Variants in RFTN2 observed in about 807,000 individuals in gnomAD.
RFTN2 encodes the protein raftlin family member 2.
In RFTN2, 34 loss-of-function variants were observed where a neutral mutation model predicts 52.7. That is an observed-to-expected ratio of 0.64 (90% CI 0.49 to 0.86). The LOEUF is 0.86. Among genes scored for constraint, RFTN2 ranks in the 40% least tolerant of loss-of-function variants. RFTN2 has a pLI of 0.00. For synonymous variants in RFTN2, 203 were observed against 217.7 expected (o/e 0.93, Z 0.59); for missense variants, 536 against 600.1 (o/e 0.89, Z 1.12).
At chr2:197,656,943 C>G (rs555292882) in intron 1 of RFTN2, among the ~76,000 whole-genome samples, 1 of 152,234 alleles carries the variant, frequency 6.6e-6, no homozygotes, top group South Asian at 2.1e-4. Flanking sequence ...AAAGCCTCAT[C>G]CAAAGAGTGC....
At chr2:197,637,214 G>A (rs1185283698) in intron 3 of RFTN2, among the ~76,000 whole-genome samples, 16 of 151,580 alleles carry the variant, frequency 1.1e-4, no homozygotes, top group Admixed American at 9.8e-4. Context: ...TTTTGGTTGT[G>A]TCTCTGCCCG....
intron 1 of RFTN2, among the ~76,000 whole-genome samples, chr2:197,668,074 G>T (rs982762636): frequency 6.6e-6 from 1 of 152,144 alleles, no homozygotes; most frequent in Admixed American, 6.5e-5. Context: ...GGCAGTGTCT[G>T]TGGTGGGCTG....
intron 5 of RFTN2, among the ~76,000 whole-genome samples, chr2:197,626,026 T>G (rs190976143): frequency 0.011 from 1,712 of 152,210 alleles, 29 homozygotes; most frequent in African/African-American, 0.039. Context: ...TGACCTCAAG[T>G]GATCCACCTG....
Position 197,601,373 on chromosome 2 carries a change from C to G in RFTN2, c.1155-5304G>C, listed in dbSNP as rs528472684. On this transcript the variant is annotated intron_variant, in intron 7 of 8. Coordinates refer to ENST00000295049, the MANE Select transcript of RFTN2 (RefSeq NM_144629.3). ...AAACTAATAAAAACAACTTTGACTC[C>G]TGTAGTGCTCTCAGCGTTCCAAGTC... is the stretch of plus-strand genomic sequence containing the variant. 2.0e-5 allele frequency among the ~76,000 whole-genome samples: 3 copies of G among 152,300 alleles called. No homozygotes were observed. In the East Asian group the frequency reaches 5.8e-4, roughly 29 times the overall value.
intron 5 of RFTN2, among the ~76,000 whole-genome samples, chr2:197,619,216 C>T (rs1352324669): frequency 6.6e-5 from 10 of 152,196 alleles, no homozygotes; most frequent in South Asian, 2.1e-4. Flanking sequence ...GCCCCTCTGC[C>T]CGGCCACCAC....
intron 8 of RFTN2, among the ~76,000 whole-genome samples, chr2:197,575,573 G>T (rs1031222527): frequency 6.6e-6 from 1 of 151,744 alleles, no homozygotes; most frequent in Non-Finnish European, 1.5e-5. Flanking sequence ...AGAATAAAGG[G>T]GACATGGTCT....
chr2:197,588,772 T>C (rs1447831278), intron 8 of RFTN2, among the ~76,000 whole-genome samples: 1 of 152,208 alleles, frequency 6.6e-6, no homozygotes, highest in Non-Finnish European at 1.5e-5. Flanking sequence ...GGGTGGATGA[T>C]ATGGTTTGGT....
intron 8 of RFTN2, among the ~76,000 whole-genome samples, chr2:197,586,726 A>C (rs751996013): frequency 5.3e-4 from 81 of 152,204 alleles, no homozygotes; most frequent in Non-Finnish European, 9.6e-4. Context: ...CTCTCTAATG[A>C]CTTCTCTGCT....
At position 197,572,184 on chromosome 2, in the gene RFTN2, T is replaced by G. The variant is rs2087329649; in HGVS notation, c.1330A>C (p.Arg444=). ...DTTSSQPAES[R]HLPEECRLSP... ...AGGCGGCACTCCTCAGGCAGGTGTC[T>G]GCTCTCTGCAGGTTGTGACGAGGTT... The change falls in exon 9 of 9, where the codon AGA becomes CGA. Residue 444 remains arginine (R), a synonymous_variant. Transcript: ENST00000295049. 6.2e-7 allele frequency: 1 copy of G among 1,614,268 alleles called. No individual in the cohort carries two copies. Among genetic ancestry groups the G allele is most frequent in the African/African-American group, 1.3e-5 (1 of 75,082 alleles).
chr2:197,633,656 C>A, intron 4 of RFTN2, 62 bp downstream of exon 4: 8 of 1,365,852 alleles, frequency 5.9e-6, no homozygotes, highest in Non-Finnish European at 8.1e-6. Flanking sequence ...CTAAAAAAAA[C>A]CTCAAAAACT....
At chr2:197,608,839 G>A (rs1425972851) in intron 7 of RFTN2, among the ~76,000 whole-genome samples, 1 of 151,544 alleles carries the variant, frequency 6.6e-6, no homozygotes, top group Non-Finnish European at 1.5e-5. Context: ...GTGTCCAAGT[G>A]TTCTCATTGT....
At chr2:197,599,063 T>C (rs371427460) in intron 7 of RFTN2, among the ~76,000 whole-genome samples, 3 of 152,090 alleles carry the variant, frequency 2.0e-5, no homozygotes, top group African/African-American at 7.2e-5. Flanking sequence ...GCCATTTTCC[T>C]ACCTCAGCCT....
At chr2:197,579,058 A>G (rs933227416) in intron 8 of RFTN2, among the ~76,000 whole-genome samples, 1 of 152,146 alleles carries the variant, frequency 6.6e-6, no homozygotes, top group Non-Finnish European at 1.5e-5. Flanking sequence ...GCAGAGATAG[A>G]GGAGACACAT....
chr2:197,662,783 A>AT (rs2088997499), intron 1 of RFTN2, among the ~76,000 whole-genome samples: 1 of 151,556 alleles, frequency 6.6e-6, no homozygotes, highest in Non-Finnish European at 1.5e-5. Context: ...TTCTTTAAAA[A>AT]TTTTTTTATA....
At chr2:197,614,284 T>C (rs1243349296) in intron 7 of RFTN2, among the ~76,000 whole-genome samples, 1 of 152,194 alleles carries the variant, frequency 6.6e-6, no homozygotes, top group East Asian at 1.9e-4. Flanking sequence ...AAATTCAGAA[T>C]GGCGTGGCAG....
At chr2:197,642,395 T>G (rs1360246715) in intron 3 of RFTN2, among the ~76,000 whole-genome samples, 1 of 152,254 alleles carries the variant, frequency 6.6e-6, no homozygotes, top group African/African-American at 2.4e-5. Flanking sequence ...TATTTATGAA[T>G]GTACAACTTT....
intron 8 of RFTN2, among the ~76,000 whole-genome samples, chr2:197,582,835 TC>T (rs2087532027): frequency 6.6e-6 from 1 of 152,126 alleles, no homozygotes; most frequent in Non-Finnish European, 1.5e-5. Context: ...AGGTGTCAAA[TC>T]CCATCGCTCA....
At chr2:197,665,682 T>C (rs2089046136) in intron 1 of RFTN2, among the ~76,000 whole-genome samples, 1 of 152,098 alleles carries the variant, frequency 6.6e-6, no homozygotes, top group African/African-American at 2.4e-5. Flanking sequence ...GCATTTCTTA[T>C]AGGCAGCATG....
intron 4 of RFTN2, 40 bp downstream of exon 4, chr2:197,633,678 A>C: frequency 6.5e-7 from 1 of 1,531,204 alleles, no homozygotes; most frequent in Non-Finnish European, 8.9e-7. Context: ...ATTTTGCTTA[A>C]ACTATAGTAT....
Sources: gnomAD v4.1 joint callset for allele counts (sites outside exome capture counted in the v4.1 genomes callset) on GRCh38, gnomAD v4.1.1 for gene constraint, MANE v1.5 for transcripts, NCBI Gene and HGNC (gene_info 2026-07-23, HGNC 2026-07-21) for gene names.